Variants in OPCML observed in about 807,000 individuals in gnomAD.
OPCML encodes opioid-binding protein/cell adhesion molecule.
OPCML carries 13 observed loss-of-function variants against 37.8 expected under a neutral mutation model. That is an observed-to-expected ratio of 0.34 (90% confidence interval 0.22 to 0.55). OPCML has a LOEUF of 0.55. Ranked by LOEUF, OPCML falls within the 20% of genes least tolerant of loss-of-function variation. The pLI is 0.91. For missense variants in OPCML, 341 were observed against 435.6 expected (o/e 0.78, Z 1.93); for synonymous variants, 176 against 168.8 (o/e 1.04, Z -0.33).
intron 4 of OPCML, among the ~76,000 whole-genome samples, chr11:132,517,055 G>T (rs953356526): frequency 6.6e-6 from 1 of 152,132 alleles, no homozygotes; most frequent in African/African-American, 2.4e-5. Flanking sequence ...CAGCTGGTTA[G>T]GCCCCAGTCA....
intron 1 of OPCML, among the ~76,000 whole-genome samples, chr11:133,193,159 G>T (rs1357982389): frequency 1.3e-5 from 2 of 152,136 alleles, no homozygotes; most frequent in African/African-American, 4.8e-5. Context: ...GAGAGAGCCT[G>T]CCTCTTTCCA....
chr11:132,661,608 C>A (rs1376225909), intron 2 of OPCML, among the ~76,000 whole-genome samples: 1 of 152,074 alleles, frequency 6.6e-6, no homozygotes, highest in Non-Finnish European at 1.5e-5. Context: ...TAAGGGGGAG[C>A]CAAGAGGCAA....
chr11:132,856,484 C>T (rs912063940), intron 2 of OPCML, among the ~76,000 whole-genome samples: 1 of 152,074 alleles, frequency 6.6e-6, no homozygotes, highest in African/African-American at 2.4e-5. Context: ...AACTGTCTCT[C>T]TAAAATAAGA....
intron 3 of OPCML, among the ~76,000 whole-genome samples, chr11:132,543,681 T>C (rs1343831808): frequency 6.6e-6 from 1 of 152,144 alleles, no homozygotes; most frequent in Non-Finnish European, 1.5e-5. Context: ...GGACCAGGGC[T>C]TGGGTGTAGC....
intron 1 of OPCML, among the ~76,000 whole-genome samples, chr11:133,266,134 G>A (rs1941650187): frequency 6.6e-6 from 1 of 152,106 alleles, no homozygotes; most frequent in South Asian, 2.1e-4. Context: ...AAACAAACCT[G>A]TTTTGTTAAA....
At chr11:132,829,712 C>T (rs146627945) in intron 2 of OPCML, among the ~76,000 whole-genome samples, 127 of 152,312 alleles carry the variant, frequency 8.3e-4, no homozygotes, top group Non-Finnish European at 1.6e-3. Flanking sequence ...TAGAATTCAA[C>T]AGAATCCTTT....
intron 1 of OPCML, among the ~76,000 whole-genome samples, chr11:133,320,489 T>C (rs1386775942): frequency 1.3e-5 from 2 of 152,120 alleles, no homozygotes; most frequent in Non-Finnish European, 2.9e-5. Flanking sequence ...CTTGTTGTAA[T>C]TAAATGAGAA....
chr11:133,262,071 T>C (rs369307869), intron 1 of OPCML, among the ~76,000 whole-genome samples: 38 of 152,348 alleles, frequency 2.5e-4, no homozygotes, highest in African/African-American at 8.7e-4. Flanking sequence ...GAAAAAATAA[T>C]TACTTTTAGT....
intron 2 of OPCML, among the ~76,000 whole-genome samples, chr11:132,690,225 T>A (rs1329927774): frequency 6.6e-6 from 1 of 152,156 alleles, no homozygotes; most frequent in African/African-American, 2.4e-5. Context: ...CAGGAGCCCA[T>A]CACCATGCCT....
intron 2 of OPCML, among the ~76,000 whole-genome samples, chr11:132,709,709 G>T (rs1383416888): frequency 6.6e-6 from 1 of 152,146 alleles, no homozygotes; most frequent in East Asian, 1.9e-4. Flanking sequence ...TGAGATGATA[G>T]CCACTAACTA....
At chr11:133,372,722 A>G (rs1017323869) in intron 1 of OPCML, among the ~76,000 whole-genome samples, 1 of 152,232 alleles carries the variant, frequency 6.6e-6, no homozygotes, top group Non-Finnish European at 1.5e-5. Flanking sequence ...TCATCCTACC[A>G]AGACTCACTG....
rs1051859094 is a variant in OPCML, at chr11:133,024,258, G to A, written c.62-81248C>T. On this transcript the variant is annotated intron_variant, in intron 1 of 7. Transcript: ENST00000524381. ...GGTTGGTGGGGGGCTGGGGTGAGAA[G>A]CGAAGAAAAAGCTTCTAGAGCAAGC... The A allele has an allele frequency of 7.9e-6, 6 of 759,966 alleles. No individual in the cohort carries two copies. The South Asian group carries it at 3.6e-4, about 46-fold the overall frequency. The allele number at this position is 759,966 out of a possible 1,614,324, so 47.1% of individuals were successfully genotyped here.
rs1041649546 is a variant in OPCML, at chr11:132,435,262, G to T, written c.916+824C>A. 6.2e-6 allele frequency: 8 copies of T among 1,288,476 alleles called. No homozygotes were observed. In the Admixed American group the frequency reaches 1.6e-4, roughly 26 times the overall value. The allele number at this position is 1,288,476 out of a possible 1,614,324, so 79.8% of individuals were successfully genotyped here. A position where few individuals can be genotyped will look rare whatever the true frequency, so the allele number is the denominator to read the frequency against. On this transcript the variant is annotated intron_variant, in intron 7 of 7. Coordinates refer to ENST00000524381, the MANE Select transcript of OPCML (RefSeq NM_001012393.5). ...CATAGATCACACATTTCAGATGGTT[G>T]GTGGACAAAGTTTACTTAATGTCAG...
chr11:132,942,804 T>A (rs1370803900), intron 2 of OPCML, 122 bp downstream of exon 2: 1 of 1,308,194 alleles, frequency 7.6e-7, no homozygotes, highest in Non-Finnish European at 1.1e-6. Flanking sequence ...CGGGCGCCCC[T>A]CGGGCCTGCA....
intron 1 of OPCML, among the ~76,000 whole-genome samples, chr11:133,167,329 A>T (rs148312721): frequency 3.9e-5 from 6 of 152,300 alleles, no homozygotes; most frequent in Admixed American, 1.3e-4. Flanking sequence ...ATACAAAATA[A>T]ATACCATATG....
intron 1 of OPCML, among the ~76,000 whole-genome samples, chr11:133,160,671 G>C (rs4937750): frequency 0.29 from 43,643 of 152,154 alleles, 6,345 homozygotes; most frequent in South Asian, 0.34. Context: ...GTTCTGCAAC[G>C]CTGCTCTGGT....
chr11:133,079,828 T>C (rs1181667892), intron 1 of OPCML, among the ~76,000 whole-genome samples: 2 of 152,128 alleles, frequency 1.3e-5, no homozygotes, highest in African/African-American at 4.8e-5. Flanking sequence ...ACCTTCTCCA[T>C]CCTGCTGCAG....
intron 1 of OPCML, among the ~76,000 whole-genome samples, chr11:133,218,279 T>C (rs1317609881): frequency 6.6e-6 from 1 of 152,098 alleles, no homozygotes; most frequent in African/African-American, 2.4e-5. Flanking sequence ...ACTGGGTCTG[T>C]CAAGTTCCCG....
At chr11:132,595,409 C>G (rs1055695596) in intron 3 of OPCML, among the ~76,000 whole-genome samples, 2 of 152,330 alleles carry the variant, frequency 1.3e-5, no homozygotes, top group African/African-American at 4.8e-5. Context: ...AAGTTATTAA[C>G]AAGCAGATGG....
Sources: allele counts gnomAD v4.1 joint callset (sites outside exome capture counted in the v4.1 genomes callset), GRCh38; gene constraint gnomAD v4.1.1; transcripts MANE v1.5; gene names NCBI Gene and HGNC (gene_info 2026-07-23, HGNC 2026-07-21).